USP12: variants seen among roughly 807,000 people sequenced by gnomAD.
USP12 encodes the protein ubiquitin carboxyl-terminal hydrolase 12.
In USP12, 19 loss-of-function variants were observed where a neutral mutation model predicts 45.5. That is an observed-to-expected ratio of 0.42 (90% confidence interval 0.29 to 0.61). The LOEUF is 0.61. USP12 is among the 20% of genes least tolerant of loss of function. USP12 has a pLI of 0.22. For missense variants in USP12, 242 were observed against 447.7 expected, an observed-to-expected ratio of 0.54 and a Z score of 4.15; for synonymous variants, 149 against 148.8, an observed-to-expected ratio of 1.00 and a Z score of -0.01.
intron 1 of USP12, among the ~76,000 whole-genome samples, chr13:27,137,312 G>A (rs1876848846): frequency 6.6e-6 from 1 of 152,080 alleles, no homozygotes; most frequent in African/African-American, 2.4e-5. Context: ...GATTATACAT[G>A]ATAGATGTCA....
At position 27,089,868 on chromosome 13, in the gene USP12, A is replaced by G; in HGVS notation, c.734+15T>C. On this transcript the variant is annotated intron_variant, in intron 6 of 8. Coordinates refer to ENST00000282344, the MANE Select transcript of USP12 (RefSeq NM_182488.4). Reference sequence around the variant, plus strand: ...AAATAAAATCACTTAAAAATCCATAAAGCTCTAAAATTACCGTTTGTGTGC... The same window carrying G: ...AAATAAAATCACTTAAAAATCCATAGAGCTCTAAAATTACCGTTTGTGTGC... 1 of 1,606,712 alleles carries G rather than the reference A, an allele frequency of 6.2e-7. No individual in the cohort carries two copies. Among genetic ancestry groups the G allele is most frequent in the Non-Finnish European group, 8.5e-7 (1 of 1,177,198 alleles).
intron 1 of USP12, among the ~76,000 whole-genome samples, chr13:27,136,314 A>G (rs1167327732): frequency 6.6e-6 from 1 of 152,176 alleles, no homozygotes; most frequent in Non-Finnish European, 1.5e-5. Flanking sequence ...CCTGGCCAAC[A>G]TGGCGAAACC....
In USP12 at chr13:27,066,638, G is replaced by A. The variant is rs1468373304; in HGVS notation, c.*2645C>T. The A allele has an allele frequency of 3.3e-5, 5 of 152,266 alleles. No individual in the cohort carries two copies. Among genetic ancestry groups the A allele is most frequent in the Non-Finnish European group, 7.4e-5 (5 of 68,022 alleles). 9.4% of individuals were successfully genotyped at this position (152,266 alleles called of 1,614,324 possible). ...GTAAAATTTCCAAGACAGAAGCCAT[G>A]TGACTTAAGAAGTGGGACTTAATTT... On this transcript the variant is annotated 3_prime_UTR_variant, in exon 9 of 9. Coordinates refer to ENST00000282344, the MANE Select transcript of USP12 (RefSeq NM_182488.4).
At chr13:27,136,283 A>C (rs1341445060) in intron 1 of USP12, among the ~76,000 whole-genome samples, 4 of 152,202 alleles carry the variant, frequency 2.6e-5, no homozygotes, top group Non-Finnish European at 5.9e-5. Flanking sequence ...GGATCACCTG[A>C]GGTCAGGAAT....
chr13:27,085,096 C>T (rs77993388), intron 6 of USP12, among the ~76,000 whole-genome samples: 1,529 of 152,040 alleles, frequency 0.01, 31 homozygotes, highest in African/African-American at 0.034. Flanking sequence ...AAGTCTTCTG[C>T]CATGTAAGTT....
chr13:27,135,507 G>A (rs1290404655), intron 1 of USP12, among the ~76,000 whole-genome samples: 1 of 152,174 alleles, frequency 6.6e-6, no homozygotes. Context: ...GAGGCCAGGA[G>A]TTCGAGACCA....
At chr13:27,139,580 C>T (rs1041590854) in intron 1 of USP12, among the ~76,000 whole-genome samples, 1 of 152,156 alleles carries the variant, frequency 6.6e-6, no homozygotes, top group African/African-American at 2.4e-5. Flanking sequence ...CGCGCCACTG[C>T]ACTCCAGCCT....
intron 4 of USP12, 98 bp downstream of exon 4, chr13:27,095,503 C>G (rs1874534338): frequency 1.1e-6 from 1 of 897,134 alleles, no homozygotes; most frequent in African/African-American, 1.7e-5. Flanking sequence ...CTAAGAATTA[C>G]AACTTTCAAG....
intron 4 of USP12, among the ~76,000 whole-genome samples, chr13:27,094,005 T>C (rs981183961): frequency 2.6e-5 from 4 of 152,166 alleles, no homozygotes; most frequent in African/African-American, 9.7e-5. Context: ...ACAGGACTCT[T>C]AGCTTTCTTG....
intron 7 of USP12, among the ~76,000 whole-genome samples, chr13:27,071,647 A>C (rs1873250660): frequency 6.6e-6 from 1 of 152,176 alleles, no homozygotes; most frequent in Non-Finnish European, 1.5e-5. Context: ...ATCAAGCCTG[A>C]ACTTCATAAA....
intron 7 of USP12, among the ~76,000 whole-genome samples, chr13:27,072,730 G>A (rs1382763053): frequency 1.3e-5 from 2 of 152,096 alleles, no homozygotes; most frequent in Admixed American, 6.5e-5. Flanking sequence ...ACGAAATGGT[G>A]CCCAGTTTTG....
At chr13:27,117,750 C>T (rs748461301) in intron 1 of USP12, 3 of 518,022 alleles carry the variant, frequency 5.8e-6, no homozygotes, top group Non-Finnish European at 7.7e-6. Context: ...AAACAAAATT[C>T]AAGAAACAAG....
chr13:27,152,941 CAAA>C (rs11306580), intron 1 of USP12, among the ~76,000 whole-genome samples: 12 of 92,788 alleles, frequency 1.3e-4, no homozygotes, highest in Non-Finnish European at 1.1e-4. Flanking sequence ...GACTCCGTCT[CAAA>C]AAAAAAAAAA....
rs369741932 is a variant in USP12 at position 27,122,733 on chromosome 13, G to C, written c.49-6137C>G. Among the ~76,000 whole-genome samples, 4 of 152,176 alleles carry C rather than the reference G, an allele frequency of 2.6e-5. No individual in the cohort carries two copies. In the East Asian group the frequency reaches 5.8e-4, roughly 22 times the overall value. ...TAAGAACTAAACAAGGTTAATATCA[G>C]ATAGTACTTTTTAGCCAATATTCCT... On this transcript the variant is annotated intron_variant, in intron 1 of 8. Coordinates refer to ENST00000282344, the MANE Select transcript of USP12 (RefSeq NM_182488.4).
intron 1 of USP12, among the ~76,000 whole-genome samples, chr13:27,148,814 A>ACACACACACACACACACAC (rs1555238422): frequency 1.3e-5 from 2 of 150,844 alleles, no homozygotes; most frequent in African/African-American, 4.9e-5. Flanking sequence ...ACACACACAC[A>ACACACACACACACACACAC]AAAATCAGGT....
At chr13:27,126,088 G>A (rs1011175154) in intron 1 of USP12, among the ~76,000 whole-genome samples, 13 of 152,224 alleles carry the variant, frequency 8.5e-5, no homozygotes, top group African/African-American at 2.7e-4. Flanking sequence ...AGACGTAAAC[G>A]TCCCTGCCTG....
chr13:27,070,025 T>C (rs1039999360), intron 8 of USP12, among the ~76,000 whole-genome samples: 1 of 152,210 alleles, frequency 6.6e-6, no homozygotes, highest in Non-Finnish European at 1.5e-5. Context: ...AAAAGGCTTA[T>C]AAAAGATGAC....
intron 1 of USP12, among the ~76,000 whole-genome samples, chr13:27,130,737 C>T (rs978514670): frequency 6.6e-6 from 1 of 152,170 alleles, no homozygotes; most frequent in Non-Finnish European, 1.5e-5. Context: ...TACTTCCCCA[C>T]GACTAACGTG....
At chr13:27,108,425 C>A (rs1448292345) in intron 2 of USP12, among the ~76,000 whole-genome samples, 10 of 151,526 alleles carry the variant, frequency 6.6e-5, no homozygotes, top group African/African-American at 2.4e-4. Flanking sequence ...GGAGATATAC[C>A]TAATGCTAAA....
Sources: allele counts gnomAD v4.1 joint callset (sites outside exome capture counted in the v4.1 genomes callset), GRCh38; gene constraint gnomAD v4.1.1; transcripts MANE v1.5; gene names NCBI Gene and HGNC (gene_info 2026-07-23, HGNC 2026-07-21).